The following CCDC192 variants were observed in gnomAD, a reference collection of about 807,000 sequenced individuals.
CCDC192 encodes the protein coiled-coil domain containing 192.
intron 1 of CCDC192, among the ~76,000 whole-genome samples, chr5:127,704,968 A>T (rs1194669644): frequency 6.6e-6 from 1 of 152,172 alleles, no homozygotes; most frequent in East Asian, 1.9e-4. Context: ...AAGCGGAAAG[A>T]CATTTCATTT....
At chr5:127,910,822 G>T (rs559563997) in intron 6 of CCDC192, among the ~76,000 whole-genome samples, 12 of 152,284 alleles carry the variant, frequency 7.9e-5, no homozygotes, top group African/African-American at 2.6e-4. Context: ...GGCCTTTGAG[G>T]TTGTTTAAAA....
intron 2 of CCDC192, among the ~76,000 whole-genome samples, chr5:127,726,710 C>T (rs1752344185): frequency 6.6e-6 from 1 of 152,202 alleles, no homozygotes; most frequent in Admixed American, 6.5e-5. Context: ...TGGTCAGGGC[C>T]TCCTTGTGGG....
chr5:127,760,080 T>C (rs1249150748), intron 3 of CCDC192, among the ~76,000 whole-genome samples: 4 of 152,148 alleles, frequency 2.6e-5, no homozygotes, highest in African/African-American at 9.7e-5. Flanking sequence ...AAAATATAGT[T>C]ACATATGAGA....
intron 1 of CCDC192, among the ~76,000 whole-genome samples, chr5:127,706,343 A>G (rs1217488096): frequency 1.3e-5 from 2 of 152,098 alleles, no homozygotes; most frequent in Non-Finnish European, 2.9e-5. Flanking sequence ...CCTGGCCAAC[A>G]TGGTGAAACC....
chr5:127,753,481 A>T (rs913411130), intron 2 of CCDC192, among the ~76,000 whole-genome samples: 4 of 152,038 alleles, frequency 2.6e-5, no homozygotes, highest in African/African-American at 7.2e-5. Flanking sequence ...GCAGATCACG[A>T]GGTCAGGATT....
intron 2 of CCDC192, among the ~76,000 whole-genome samples, chr5:127,731,943 T>G (rs1403485337): frequency 1.3e-5 from 2 of 152,022 alleles, no homozygotes; most frequent in Non-Finnish European, 2.9e-5. Context: ...GGACACAGGC[T>G]GTAGCAAAGA....
At position 127,746,167 on chromosome 5, in the gene CCDC192, G is replaced by A. The variant is rs77303348; in HGVS notation, c.115-8101G>A. On this transcript the variant is annotated intron_variant, in intron 2 of 6. Transcript: ENST00000514853. ...CTGCAGCTGGAGTGAAGGTGTAAAA[G>A]ACTGACTTTGCATTCTCCACAGTTT... 2.3e-4 allele frequency among the ~76,000 whole-genome samples: 35 copies of A among 152,320 alleles called. No homozygotes were observed. The East Asian group carries it at 6.8e-3, about 29-fold the overall frequency.
At chr5:127,854,141 C>A (rs533962050) in intron 5 of CCDC192, among the ~76,000 whole-genome samples, 1 of 152,312 alleles carries the variant, frequency 6.6e-6, no homozygotes, top group South Asian at 2.1e-4. Flanking sequence ...AAACCCCCAT[C>A]CTTCCATTCA....
intron 6 of CCDC192, among the ~76,000 whole-genome samples, chr5:127,937,898 C>T (rs1580846210): frequency 6.6e-6 from 1 of 152,314 alleles, no homozygotes; most frequent in South Asian, 2.1e-4. Flanking sequence ...GAAAATAACT[C>T]ATTCTAAAAG....
chr5:127,736,902 T>G (rs1753040272), intron 2 of CCDC192, among the ~76,000 whole-genome samples: 1 of 132,366 alleles, frequency 7.6e-6, no homozygotes, highest in Admixed American at 8.1e-5. Flanking sequence ...ATTAATTTTT[T>G]GAAGGGTTTT....
intron 5 of CCDC192, among the ~76,000 whole-genome samples, chr5:127,862,604 T>C (rs1479229746): frequency 1.3e-5 from 2 of 152,340 alleles, no homozygotes; most frequent in African/African-American, 4.8e-5. Flanking sequence ...ACTCTTCAGA[T>C]AGATCTGATG....
At chr5:127,932,110 T>C (rs6878976) in intron 6 of CCDC192, among the ~76,000 whole-genome samples, 118,705 of 147,814 alleles carry the variant, frequency 0.8, 47,756 homozygotes, top group East Asian at 0.98. Flanking sequence ...TCCGAGATCG[T>C]GCCACTGCGC....
chr5:127,814,513 G>A (rs2127006472), intron 5 of CCDC192, among the ~76,000 whole-genome samples: 1 of 152,248 alleles, frequency 6.6e-6, no homozygotes, highest in Admixed American at 6.5e-5. Context: ...TTCACTGAAT[G>A]GAAATGGAGG....
chr5:127,929,620 T>G (rs551598849), intron 6 of CCDC192, among the ~76,000 whole-genome samples: 1 of 152,150 alleles, frequency 6.6e-6, no homozygotes, highest in Non-Finnish European at 1.5e-5. Context: ...ACAAGTAAAA[T>G]CCTGATAAAC....
At position 127,923,856 on chromosome 5, in the gene CCDC192, C is replaced by T. The variant is rs144238523; in HGVS notation, c.536-17326C>T. ...AGACAGGACTTTCTCTTCCAACTTT[C>T]AGACAATGCCTTATGAAGAATGCAA... On this transcript the variant is annotated intron_variant, in intron 6 of 6. Transcript: ENST00000514853. Among the ~76,000 whole-genome samples, 72 of 152,312 alleles carry T rather than the reference C, an allele frequency of 4.7e-4. 1 individual carries two copies. The highest frequency in any genetic ancestry group is 1.7e-3 in the African/African-American group (69 of 41,580).
chr5:127,709,501 C>G (rs1751199281), intron 2 of CCDC192, among the ~76,000 whole-genome samples: 1 of 152,154 alleles, frequency 6.6e-6, no homozygotes, highest in South Asian at 2.1e-4. Context: ...ATATCTAGAA[C>G]CTCACTTCTG....
chr5:127,937,470 G>C (rs1754217599), intron 6 of CCDC192, among the ~76,000 whole-genome samples: 1 of 152,140 alleles, frequency 6.6e-6, no homozygotes, highest in Non-Finnish European at 1.5e-5. Flanking sequence ...TATGAGAGAG[G>C]TTTTGGTCTC....
chr5:127,865,637 C>G (rs1430982133), intron 5 of CCDC192, among the ~76,000 whole-genome samples: 2 of 149,278 alleles, frequency 1.3e-5, no homozygotes, highest in Non-Finnish European at 3.0e-5. Flanking sequence ...TCGACAAAGA[C>G]TACAGTGTCA....
chr5:127,798,023 T>C, intron 4 of CCDC192, 83 bp from the exon 5 acceptor site: 2 of 396,064 alleles, frequency 5.0e-6, no homozygotes, highest in East Asian at 7.2e-5. Context: ...ATTTGAAAAC[T>C]GATACACATT....
Sources: allele counts gnomAD v4.1 joint callset (sites outside exome capture counted in the v4.1 genomes callset), GRCh38; gene constraint gnomAD v4.1.1; transcripts MANE v1.5; gene names NCBI Gene and HGNC (gene_info 2026-07-23, HGNC 2026-07-21).